ITSN1: variants seen among roughly 807,000 people sequenced by gnomAD.
ITSN1 encodes the protein intersectin-1.
Under a neutral mutation model 239.8 loss-of-function variants are expected in ITSN1, and 58 were observed. That is an observed-to-expected ratio of 0.24 (90% CI 0.20 to 0.30). The LOEUF is 0.30. ITSN1 is among the 10% of genes least tolerant of loss of function. The pLI, the probability that ITSN1 is intolerant of heterozygous loss-of-function variation, is 1.00. For missense variants in ITSN1, 1,558 were observed against 2,103.3 expected (o/e 0.74, Z 5.07); for synonymous variants, 780 against 770.8 (o/e 1.01, Z -0.20).
At chr21:33,835,558 A>G (rs1471952450) in intron 28 of ITSN1, among the ~76,000 whole-genome samples, 1 of 152,146 alleles carries the variant, frequency 6.6e-6, no homozygotes, top group Non-Finnish European at 1.5e-5. Context: ...AGAAAAGAAA[A>G]ATTGTTCTTG....
intron 30 of ITSN1, among the ~76,000 whole-genome samples, chr21:33,858,323 C>G (rs1979765380): frequency 6.6e-6 from 1 of 152,240 alleles, no homozygotes; most frequent in South Asian, 2.1e-4. Context: ...CACCTTTAAG[C>G]CCCGCTTTTC....
At chr21:33,829,535 C>A in intron 26 of ITSN1, 89 bp from the exon 27 acceptor site, 1 of 1,404,062 alleles carries the variant, frequency 7.1e-7, no homozygotes, top group Admixed American at 1.8e-5. Context: ...ATGTGTTCAT[C>A]TGTGAACCTG....
intron 5 of ITSN1, among the ~76,000 whole-genome samples, chr21:33,746,245 C>T (rs1437887798): frequency 6.6e-6 from 1 of 152,122 alleles, no homozygotes; most frequent in African/African-American, 2.4e-5. Context: ...AAATCAGAGC[C>T]AGAGTAGCTA....
intron 1 of ITSN1, among the ~76,000 whole-genome samples, chr21:33,711,651 GTTGTGTGT>G (rs944940009): frequency 1.1e-4 from 12 of 107,610 alleles, no homozygotes; most frequent in Non-Finnish European, 1.8e-4. Context: ...TTTTCTGTGT[GTTGTGTGT>G]GTGTGTGTGT....
chr21:33,644,503 CTT>C (rs771806703), intron 1 of ITSN1, among the ~76,000 whole-genome samples: 2 of 152,140 alleles, frequency 1.3e-5, no homozygotes, highest in African/African-American at 4.8e-5. Flanking sequence ...TCACAAAACT[CTT>C]TTATTATTCT....
At chr21:33,823,390 C>A (rs2073801190) in intron 24 of ITSN1, 97 bp from the exon 25 acceptor site, 1 of 1,091,194 alleles carries the variant, frequency 9.2e-7, no homozygotes. Flanking sequence ...TGGATCTTGT[C>A]CTAACTTCCT....
intron 33 of ITSN1, among the ~76,000 whole-genome samples, chr21:33,873,952 G>A (rs1469436639): frequency 6.6e-6 from 1 of 151,854 alleles, no homozygotes; most frequent in Non-Finnish European, 1.5e-5. Flanking sequence ...TCTGAGGTCA[G>A]GAGTTCAAGA....
At chr21:33,689,093 A>G (rs796837057) in intron 1 of ITSN1, among the ~76,000 whole-genome samples, 12 of 152,274 alleles carry the variant, frequency 7.9e-5, no homozygotes, top group African/African-American at 2.9e-4. Flanking sequence ...GATTACAGGC[A>G]TGAGCCATTG....
At chr21:33,701,720 A>G (rs1320981250) in intron 1 of ITSN1, among the ~76,000 whole-genome samples, 1 of 151,282 alleles carries the variant, frequency 6.6e-6, no homozygotes, top group Non-Finnish European at 1.5e-5. Flanking sequence ...ACTTGAACCC[A>G]GGAGGCGGAG....
chr21:33,812,128 C>T (rs936042243), intron 21 of ITSN1, among the ~76,000 whole-genome samples: 1 of 152,134 alleles, frequency 6.6e-6, no homozygotes, highest in South Asian at 2.1e-4. Context: ...AAAGAAGGTC[C>T]CCTCATCTAA....
chr21:33,858,001 C>A (rs1485371405), intron 30 of ITSN1, among the ~76,000 whole-genome samples: 1 of 152,190 alleles, frequency 6.6e-6, no homozygotes, highest in Non-Finnish European at 1.5e-5. Context: ...GACCTCCTTG[C>A]AGGCGGGGGC....
At chr21:33,823,301 T>A (rs1407381241) in intron 24 of ITSN1, among the ~76,000 whole-genome samples, 186 bp from the exon 25 acceptor site, 1 of 152,168 alleles carries the variant, frequency 6.6e-6, no homozygotes, top group Non-Finnish European at 1.5e-5. Flanking sequence ...CTACTGAACT[T>A]TTATGTGCAC....
At chr21:33,748,187 A>T (rs1362690137) in intron 5 of ITSN1, among the ~76,000 whole-genome samples, 2 of 152,154 alleles carry the variant, frequency 1.3e-5, no homozygotes, top group Non-Finnish European at 2.9e-5. Context: ...TTACTTTTGG[A>T]TGCATACAGT....
Position 33,877,059 on chromosome 21 carries a change from C to CTTTTTTT in ITSN1, c.4341+1544_4341+1550dup, listed in dbSNP as rs10529259. Among the ~76,000 whole-genome samples, 24 of 106,366 alleles carry CTTTTTTT rather than the reference C, an allele frequency of 2.3e-4. 6 individuals carry two copies. The highest frequency in any genetic ancestry group is 4.1e-4 in the Admixed American group (4 of 9,704). 69.8% of individuals were successfully genotyped at this position (106,366 alleles called of 152,430 possible). On this transcript the variant is annotated intron_variant, in intron 34 of 39. Transcript: ENST00000381318. The stretch of plus-strand genomic sequence containing the variant: ...TCCTTAGAACTTTACCTGTGGGCAC[C>CTTTTTTT]TTTTTTTTTTTTGAAATGGAGTCTC...
intron 20 of ITSN1, 144 bp downstream of exon 20, chr21:33,802,588 CT>C: frequency 1.4e-6 from 1 of 700,780 alleles, no homozygotes; most frequent in Non-Finnish European, 2.4e-6. Flanking sequence ...GTAGGTTGTG[CT>C]TTTTAAAAAA....
At chr21:33,860,031 G>T (rs1391810896) in intron 31 of ITSN1, among the ~76,000 whole-genome samples, 1 of 152,216 alleles carries the variant, frequency 6.6e-6, no homozygotes, top group African/African-American at 2.4e-5. Flanking sequence ...CGATAGCTGG[G>T]CACAGTGGCT....
chr21:33,811,355 T>C, intron 21 of ITSN1, 133 bp downstream of exon 21: 1 of 776,450 alleles, frequency 1.3e-6, no homozygotes. Context: ...TCAGTACTCC[T>C]TTCTCTAGCT....
intron 1 of ITSN1, among the ~76,000 whole-genome samples, chr21:33,679,716 T>TG (rs1430025624): frequency 6.9e-6 from 1 of 144,102 alleles, no homozygotes; most frequent in Non-Finnish European, 1.5e-5. Flanking sequence ...TTTTTTTTTT[T>TG]TTTTTGAGAC....
intron 1 of ITSN1, among the ~76,000 whole-genome samples, chr21:33,682,522 C>G (rs759889462): frequency 1.3e-5 from 2 of 150,994 alleles, no homozygotes; most frequent in Non-Finnish European, 3.0e-5. Context: ...CAGCCTCTTT[C>G]TTTTCTTTTC....
Sources: allele counts gnomAD v4.1 joint callset (sites outside exome capture counted in the v4.1 genomes callset), GRCh38; gene constraint gnomAD v4.1.1; transcripts MANE v1.5; gene names NCBI Gene and HGNC (gene_info 2026-07-23, HGNC 2026-07-21).